Variants in TMEM132B observed in about 807,000 individuals in gnomAD.
TMEM132B encodes the protein transmembrane protein 132B.
Under a neutral mutation model 90.8 loss-of-function variants are expected in TMEM132B, and 18 were observed. That is an observed-to-expected ratio of 0.20 (90% confidence interval 0.14 to 0.29). TMEM132B has a LOEUF of 0.29. Among genes scored for constraint, TMEM132B ranks in the 10% least tolerant of loss-of-function variants. TMEM132B has a pLI of 1.00. For missense variants in TMEM132B, 1,096 were observed against 1,326.8 expected, an observed-to-expected ratio of 0.83 and a Z score of 2.70; for synonymous variants, 504 against 523.3, an observed-to-expected ratio of 0.96 and a Z score of 0.50.
At position 125,399,082 on chromosome 12, in the gene TMEM132B, C is replaced by T. The variant is rs375099404; in HGVS notation, c.960-16449C>T. On this transcript the variant is annotated intron_variant, in intron 2 of 8. Coordinates refer to ENST00000682704, the MANE Select transcript of TMEM132B (RefSeq NM_001366854.1). ...TCACATAGGTCTTCCAACCTGACTGCCTGTTTCTTCAAAGCCACCCAAGAA... is the reference window on the plus strand; with the variant it reads ...TCACATAGGTCTTCCAACCTGACTGTCTGTTTCTTCAAAGCCACCCAAGAA... 1.2e-4 allele frequency among the ~76,000 whole-genome samples: 18 copies of T among 152,294 alleles called. No individual in the cohort carries two copies. In the East Asian group the frequency reaches 2.3e-3, roughly 20 times the overall value.
intron 4 of TMEM132B, among the ~76,000 whole-genome samples, chr12:125,580,109 A>T (rs544751183): frequency 7.9e-5 from 12 of 152,196 alleles, no homozygotes; most frequent in African/African-American, 2.9e-4. Flanking sequence ...AGAGCCTCAA[A>T]ATCAACCAGA....
At chr12:125,442,330 A>G (rs948828197) in intron 3 of TMEM132B, among the ~76,000 whole-genome samples, 1 of 144,674 alleles carries the variant, frequency 6.9e-6, no homozygotes, top group Non-Finnish European at 1.5e-5. Flanking sequence ...GAATTTGAAT[A>G]TTATCCACTC....
At chr12:125,283,590 G>A (rs1411348816) in intron 1 of TMEM132B, among the ~76,000 whole-genome samples, 2 of 152,202 alleles carry the variant, frequency 1.3e-5, no homozygotes, top group East Asian at 1.9e-4. Context: ...GTAATGAAGC[G>A]TTGATAGGGC....
At chr12:125,287,012 C>CTT (rs34506859) in intron 1 of TMEM132B, among the ~76,000 whole-genome samples, 42,677 of 142,282 alleles carry the variant, frequency 0.3, 6,681 homozygotes, top group East Asian at 0.53. Flanking sequence ...CAGAATTCCT[C>CTT]TTTTTTTTTT....
chr12:125,481,508 AC>A (rs1391205419), intron 3 of TMEM132B, among the ~76,000 whole-genome samples: 2 of 152,330 alleles, frequency 1.3e-5, no homozygotes, highest in East Asian at 3.9e-4. Context: ...CACAATTGCT[AC>A]AGAGAGAATA....
chr12:125,413,570 A>G (rs1879918246), intron 2 of TMEM132B, among the ~76,000 whole-genome samples: 1 of 152,122 alleles, frequency 6.6e-6, no homozygotes, highest in African/African-American at 2.4e-5. Context: ...TACCTTCTGA[A>G]TGTTTCATCT....
At chr12:125,404,622 A>G (rs1189182641) in intron 2 of TMEM132B, among the ~76,000 whole-genome samples, 3 of 152,216 alleles carry the variant, frequency 2.0e-5, no homozygotes, top group Non-Finnish European at 4.4e-5. Flanking sequence ...CATAATAGCA[A>G]CACTGTAGGT....
At chr12:125,542,194 A>G (rs1883977475) in intron 4 of TMEM132B, among the ~76,000 whole-genome samples, 1 of 152,202 alleles carries the variant, frequency 6.6e-6, no homozygotes, top group Admixed American at 6.5e-5. Flanking sequence ...GCGTACCTCT[A>G]ACCCAGAGAG....
At chr12:125,358,259 T>C (rs1193574139) in intron 2 of TMEM132B, among the ~76,000 whole-genome samples, 1 of 152,152 alleles carries the variant, frequency 6.6e-6, no homozygotes, top group African/African-American at 2.4e-5. Context: ...GTTTTACTTT[T>C]TAAAAAATTT....
chr12:125,595,342 C>G (rs961863619), intron 5 of TMEM132B, among the ~76,000 whole-genome samples: 1 of 152,182 alleles, frequency 6.6e-6, no homozygotes, highest in African/African-American at 2.4e-5. Flanking sequence ...TGTCGCTGCT[C>G]ATGGAAAGGG....
intron 3 of TMEM132B, among the ~76,000 whole-genome samples, chr12:125,416,100 G>A (rs1880003294): frequency 6.6e-6 from 1 of 152,176 alleles, no homozygotes; most frequent in African/African-American, 2.4e-5. Flanking sequence ...TAATTTGAAT[G>A]AACTTGGCAT....
intron 1 of TMEM132B, among the ~76,000 whole-genome samples, chr12:125,339,506 G>A (rs1161806042): frequency 1.3e-5 from 2 of 152,212 alleles, no homozygotes; most frequent in African/African-American, 4.8e-5. Context: ...AAATTCTGAC[G>A]ATGGAACACC....
intron 4 of TMEM132B, among the ~76,000 whole-genome samples, chr12:125,550,863 C>G (rs1884211971): frequency 6.6e-6 from 1 of 152,074 alleles, no homozygotes; most frequent in Non-Finnish European, 1.5e-5. Context: ...ACTGCAAGAT[C>G]TGCAGTGCAA....
chr12:125,630,982 A>C (rs1886356536), intron 5 of TMEM132B, among the ~76,000 whole-genome samples: 1 of 151,902 alleles, frequency 6.6e-6, no homozygotes, highest in South Asian at 2.1e-4. Context: ...ATTTAATTTA[A>C]ATTCATTTAT....
At chr12:125,514,396 C>T (rs1162261031) in intron 3 of TMEM132B, among the ~76,000 whole-genome samples, 2 of 152,200 alleles carry the variant, frequency 1.3e-5, no homozygotes, top group African/African-American at 4.8e-5. Flanking sequence ...AGGTCCCCGT[C>T]TCCCATTGTA....
chr12:125,546,305 C>G (rs189492417), intron 4 of TMEM132B, among the ~76,000 whole-genome samples: 5 of 152,082 alleles, frequency 3.3e-5, no homozygotes. Context: ...GCCTTAGCCT[C>G]CCAAGTAGCT....
At chr12:125,191,494 T>A (rs762683115) in intron 1 of TMEM132B, among the ~76,000 whole-genome samples, 47 of 152,126 alleles carry the variant, frequency 3.1e-4, no homozygotes, top group Non-Finnish European at 1.0e-4. Context: ...GCAACCAAAT[T>A]TCACTCTCTA....
intron 4 of TMEM132B, among the ~76,000 whole-genome samples, chr12:125,537,961 A>T (rs1883853650): frequency 6.6e-6 from 1 of 151,930 alleles, no homozygotes; most frequent in East Asian, 1.9e-4. Context: ...CACCACCCCG[A>T]AACTCTGCAG....
intron 2 of TMEM132B, among the ~76,000 whole-genome samples, chr12:125,376,509 T>A (rs2136278906): frequency 6.6e-6 from 1 of 152,260 alleles, no homozygotes; most frequent in South Asian, 2.1e-4. Context: ...TCATTTACAC[T>A]CCTCCTGCCC....
Sources: allele counts gnomAD v4.1 joint callset (sites outside exome capture counted in the v4.1 genomes callset), GRCh38; gene constraint gnomAD v4.1.1; transcripts MANE v1.5; gene names NCBI Gene and HGNC (gene_info 2026-07-23, HGNC 2026-07-21).